Variants in RNGTT observed in about 807,000 individuals in gnomAD.
RNGTT encodes mRNA-capping enzyme.
Under a neutral mutation model 79.3 loss-of-function variants are expected in RNGTT, and 33 were observed. That is an observed-to-expected ratio of 0.42 (90% CI 0.32 to 0.56). The LOEUF (loss-of-function observed/expected upper bound fraction) is 0.56. Among genes scored for constraint, RNGTT ranks in the 20% least tolerant of loss-of-function variants. The pLI, the probability that RNGTT is intolerant of heterozygous loss-of-function variation, is 0.17. For missense variants in RNGTT, 497 were observed against 739.1 expected (o/e 0.67, Z 3.80); for synonymous variants, 222 against 235.9 (o/e 0.94, Z 0.54).
intron 12 of RNGTT, among the ~76,000 whole-genome samples, chr6:88,799,136 G>GT (rs945502662): frequency 2.7e-5 from 4 of 150,758 alleles, no homozygotes; most frequent in Non-Finnish European, 5.9e-5. Flanking sequence ...CTTAAACTCA[G>GT]TTACAGAACA....
chr6:88,617,206 C>T (rs1772263575), intron 14 of RNGTT, among the ~76,000 whole-genome samples: 1 of 152,158 alleles, frequency 6.6e-6, no homozygotes, highest in African/African-American at 2.4e-5. Context: ...GGAGGCGGAG[C>T]TTGCAGTGAG....
At chr6:88,942,645 A>G (rs1468485306) in intron 1 of RNGTT, among the ~76,000 whole-genome samples, 1 of 152,240 alleles carries the variant, frequency 6.6e-6, no homozygotes, top group Admixed American at 6.5e-5. Flanking sequence ...TGCTGGGATT[A>G]TAGGCATGAG....
At chr6:88,919,707 C>CTTTTT (rs5878082) in intron 4 of RNGTT, among the ~76,000 whole-genome samples, 2,043 of 58,466 alleles carry the variant, frequency 0.035, 201 homozygotes, top group African/African-American at 0.048. Context: ...GTCAGTAGTT[C>CTTTTT]TTTTTTTTTT....
At chr6:88,720,108 A>C (rs1776658123) in intron 13 of RNGTT, among the ~76,000 whole-genome samples, 1 of 152,194 alleles carries the variant, frequency 6.6e-6, no homozygotes, top group South Asian at 2.1e-4. Context: ...GTCAGAATTC[A>C]CTTACAAAGC....
intron 11 of RNGTT, among the ~76,000 whole-genome samples, chr6:88,813,088 T>G (rs1780194949): frequency 6.6e-6 from 1 of 152,210 alleles, no homozygotes; most frequent in Non-Finnish European, 1.5e-5. Flanking sequence ...CAGAAATTAT[T>G]GAGCCTGCAG....
At position 88,657,433 on chromosome 6, in the gene RNGTT, G is replaced by A. The variant is rs145120135; in HGVS notation, c.1506+20920C>T. ...GCCTTATCTGAGAGAGGTCCTTGGG[G>A]AAGGCAGCCAGCAGAATTGGGAAGG... On this transcript the variant is annotated intron_variant, in intron 14 of 15. Transcript: ENST00000369485. Among the ~76,000 whole-genome samples, 110 of 152,310 alleles carry A rather than the reference G, an allele frequency of 7.2e-4. 2 individuals carry two copies. The East Asian group carries it at 0.018, about 25-fold the overall frequency.
chr6:88,858,625 AAATT>A (rs1212570063), intron 8 of RNGTT, among the ~76,000 whole-genome samples: 2 of 152,226 alleles, frequency 1.3e-5, no homozygotes, highest in African/African-American at 4.8e-5. Context: ...CAGGTCAGTA[AAATT>A]ATTATCCCCA....
chr6:88,929,001 A>G lies in RNGTT; in HGVS notation c.351T>C (p.Asn117=). The change falls in exon 4 of 16, where the codon AAT becomes AAC. Residue 117 remains asparagine, a synonymous_variant. Transcript: ENST00000369485. The part of the protein sequence containing the change: ...IRLCERFNER[N]PPELIGVHCT... Reference sequence around the variant, plus strand: ...CAAACATACCTATAAGTTCAGGTGGATTTCTTTCATTAAACCGCTCACACA... The same window carrying G: ...CAAACATACCTATAAGTTCAGGTGGGTTTCTTTCATTAAACCGCTCACACA... The G allele has an allele frequency of 6.2e-7, 1 of 1,610,710 alleles. No homozygotes were observed. Among genetic ancestry groups the G allele is most frequent in the Non-Finnish European group, 8.5e-7 (1 of 1,178,390 alleles).
intron 8 of RNGTT, among the ~76,000 whole-genome samples, chr6:88,867,264 C>T (rs113944871): frequency 0.047 from 7,111 of 152,182 alleles, 287 homozygotes; most frequent in Non-Finnish European, 0.067. Flanking sequence ...AGGCAGATTA[C>T]CTGAGGTCAG....
chr6:88,669,333 T>C (rs1399222009), intron 14 of RNGTT, among the ~76,000 whole-genome samples: 1 of 152,240 alleles, frequency 6.6e-6, no homozygotes, highest in Non-Finnish European at 1.5e-5. Flanking sequence ...GGGGAACTAC[T>C]ATGGGAGACC....
rs144086683 is a variant in RNGTT at position 88,892,393 on chromosome 6, T to C, written c.685-478A>G. 1.1e-3 allele frequency among the ~76,000 whole-genome samples: 165 copies of C among 152,272 alleles called. 1 individual carries two copies. Among genetic ancestry groups the C allele is most frequent in the Non-Finnish European group, 2.0e-3 (135 of 67,964 alleles). On this transcript the variant is annotated intron_variant, in intron 6 of 15. Transcript: ENST00000369485. ...GAGAAGGGGAAAGGAGCTGTGTTACTATGAATGAAGTATGGACTTTAAGGG... is the reference window on the plus strand; with the variant it reads ...GAGAAGGGGAAAGGAGCTGTGTTACCATGAATGAAGTATGGACTTTAAGGG...
intron 14 of RNGTT, chr6:88,677,886 C>T (rs1196949970): frequency 6.6e-6 from 1 of 151,648 alleles, no homozygotes; most frequent in Non-Finnish European, 1.5e-5. Context: ...TTTACTATGG[C>T]AAGAATATTA....
intron 11 of RNGTT, among the ~76,000 whole-genome samples, chr6:88,822,292 T>C (rs1176070841): frequency 2.6e-5 from 4 of 152,166 alleles, no homozygotes; most frequent in Admixed American, 6.5e-5. Context: ...ATGCTAAAGT[T>C]ACACAGATAC....
chr6:88,827,358 C>T (rs534701040), intron 11 of RNGTT, among the ~76,000 whole-genome samples: 1 of 152,264 alleles, frequency 6.6e-6, no homozygotes, highest in Admixed American at 6.5e-5. Flanking sequence ...GCACTCAGGC[C>T]CAGATACTAC....
intron 13 of RNGTT, among the ~76,000 whole-genome samples, chr6:88,747,428 C>G (rs1055139740): frequency 1.3e-5 from 2 of 152,122 alleles, no homozygotes; most frequent in African/African-American, 4.8e-5. Flanking sequence ...GCAGAACCAT[C>G]CAGTGATATA....
intron 1 of RNGTT, among the ~76,000 whole-genome samples, chr6:88,949,182 A>AAAAAAAAG (rs1785157233): frequency 6.9e-6 from 1 of 144,418 alleles, no homozygotes; most frequent in African/African-American, 2.5e-5. Context: ...AAAAAAAGAA[A>AAAAAAAAG]ATGAAAAGCT....
At chr6:88,932,551 C>G (rs989434309) in intron 2 of RNGTT, among the ~76,000 whole-genome samples, 6 of 152,226 alleles carry the variant, frequency 3.9e-5, no homozygotes, top group African/African-American at 1.4e-4. Flanking sequence ...ATGTGTCTCC[C>G]CTGGACACCC....
chr6:88,874,814 T>C (rs1054510433), intron 8 of RNGTT, among the ~76,000 whole-genome samples: 3 of 152,112 alleles, frequency 2.0e-5, no homozygotes, highest in African/African-American at 4.8e-5. Context: ...TTATTTCCTA[T>C]ATAAAATTTA....
At chr6:88,761,016 AATACACAC>A (rs1247969179) in intron 13 of RNGTT, among the ~76,000 whole-genome samples, 84 of 94,418 alleles carry the variant, frequency 8.9e-4, no homozygotes, top group African/African-American at 2.3e-3. Flanking sequence ...AAGCAAAAGA[AATACACAC>A]ACACACACAC....
Sources: gnomAD v4.1 joint callset for allele counts (sites outside exome capture counted in the v4.1 genomes callset) on GRCh38, gnomAD v4.1.1 for gene constraint, MANE v1.5 for transcripts, NCBI Gene and HGNC (gene_info 2026-07-23, HGNC 2026-07-21) for gene names.